Variants in GSK3B observed in about 807,000 individuals in gnomAD.
The protein encoded by GSK3B is glycogen synthase kinase 3 beta.
In GSK3B, 15 loss-of-function variants were observed where a neutral mutation model predicts 56.4. The observed-to-expected ratio is 0.27, with a 90% CI of 0.18 to 0.41. The LOEUF is 0.41. Among genes scored for constraint, GSK3B ranks in the 10% least tolerant of loss-of-function variants. The probability of loss-of-function intolerance (pLI) is 1.00; values close to 1 mark genes in which losing one functional copy is unlikely to be tolerated. For missense variants in GSK3B, 300 were observed against 513.4 expected, an observed-to-expected ratio of 0.58 and a Z score of 4.02; for synonymous variants, 181 against 188.9, an observed-to-expected ratio of 0.96 and a Z score of 0.34.
At chr3:120,038,980 G>GAGCTCTTAA (rs2058044587) in intron 1 of GSK3B, among the ~76,000 whole-genome samples, 1 of 151,834 alleles carries the variant, frequency 6.6e-6, no homozygotes, top group Admixed American at 6.6e-5. Flanking sequence ...AATATACAAA[G>GAGCTCTTAA]AACTCTTAAA....
At chr3:120,074,200 C>G (rs2058349974) in intron 1 of GSK3B, among the ~76,000 whole-genome samples, 1 of 151,518 alleles carries the variant, frequency 6.6e-6, no homozygotes, top group South Asian at 2.1e-4. Flanking sequence ...ACTCAGGAGG[C>G]TGAGGTGGGA....
intron 1 of GSK3B, among the ~76,000 whole-genome samples, chr3:120,065,412 C>G (rs2058270400): frequency 6.6e-6 from 1 of 151,990 alleles, no homozygotes; most frequent in Non-Finnish European, 1.5e-5. Flanking sequence ...TCAAAACCAC[C>G]ATGAAATACC....
At chr3:119,902,467 G>C (rs1334486944) in intron 7 of GSK3B, among the ~76,000 whole-genome samples, 1 of 152,086 alleles carries the variant, frequency 6.6e-6, no homozygotes, top group Non-Finnish European at 1.5e-5. Flanking sequence ...GTGGTACTTG[G>C]CTTACTGCAA....
intron 3 of GSK3B, among the ~76,000 whole-genome samples, chr3:119,932,984 G>A (rs1480452770): frequency 6.6e-6 from 1 of 152,136 alleles, no homozygotes; most frequent in East Asian, 1.9e-4. Flanking sequence ...TGTAATCTTA[G>A]CTACCCTGGA....
At position 120,055,434 on chromosome 3, in the gene GSK3B, G is replaced by A. The variant is rs146137723; in HGVS notation, c.88+37913C>T. Among the ~76,000 whole-genome samples the A allele has an allele frequency of 4.2e-3, 637 of 152,084 alleles. 1 individual carries two copies. The highest frequency in any genetic ancestry group is 5.8e-3 in the Non-Finnish European group (392 of 67,964). ...CAATATCACTTTTCATATTCAAAGC[G>A]ACAAAATATTCTTTTTTGGTTTATG... On this transcript the variant is annotated intron_variant, in intron 1 of 10. Transcript: ENST00000264235.
intron 3 of GSK3B, among the ~76,000 whole-genome samples, chr3:119,927,791 A>G (rs535905817): frequency 6.6e-6 from 1 of 152,276 alleles, no homozygotes. Flanking sequence ...AGGACTGAGT[A>G]TGGAATCCTG....
chr3:120,065,152 T>C (rs1483118431), intron 1 of GSK3B, among the ~76,000 whole-genome samples: 4 of 152,072 alleles, frequency 2.6e-5, no homozygotes, highest in Admixed American at 2.6e-4. Context: ...AAAACTTTTG[T>C]GCATCAAAGG....
At chr3:120,082,048 T>C (rs72971018) in intron 1 of GSK3B, among the ~76,000 whole-genome samples, 1,857 of 152,242 alleles carry the variant, frequency 0.012, 32 homozygotes, top group African/African-American at 0.042. Flanking sequence ...CAACACCTAA[T>C]TATCTTAACA....
chr3:119,873,120 C>T (rs2056268552), intron 8 of GSK3B, among the ~76,000 whole-genome samples: 1 of 152,054 alleles, frequency 6.6e-6, no homozygotes, highest in Non-Finnish European at 1.5e-5. Context: ...GCCACAAGTG[C>T]TTTATTAATG....
At chr3:119,936,243 T>C (rs539132894) in intron 3 of GSK3B, among the ~76,000 whole-genome samples, 97 of 150,746 alleles carry the variant, frequency 6.4e-4, no homozygotes, top group Middle Eastern at 3.5e-3. Context: ...CTAGAGACTC[T>C]AGCCAGAACG....
At chr3:119,913,121 T>C (rs565062596) in intron 5 of GSK3B, among the ~76,000 whole-genome samples, 1 of 151,996 alleles carries the variant, frequency 6.6e-6, no homozygotes, top group South Asian at 2.1e-4. Context: ...ACCTCTAAAA[T>C]ACAAAGAAGC....
At chr3:119,847,865 T>C (rs2055876344) in intron 9 of GSK3B, among the ~76,000 whole-genome samples, 1 of 152,230 alleles carries the variant, frequency 6.6e-6, no homozygotes, top group African/African-American at 2.4e-5. Context: ...AGAATGTGTG[T>C]CTGTATGTGT....
chr3:120,066,859 C>A (rs929694399), intron 1 of GSK3B, among the ~76,000 whole-genome samples: 2 of 152,150 alleles, frequency 1.3e-5, no homozygotes, highest in Admixed American at 1.3e-4. Context: ...ACAAAATAAG[C>A]AGTGGATCGT....
intron 10 of GSK3B, among the ~76,000 whole-genome samples, chr3:119,839,899 T>C (rs2055748066): frequency 6.6e-6 from 1 of 152,234 alleles, no homozygotes; most frequent in Non-Finnish European, 1.5e-5. Flanking sequence ...GGTATATTAC[T>C]GTGGTGATGT....
At chr3:120,047,008 T>C (rs905768688) in intron 1 of GSK3B, among the ~76,000 whole-genome samples, 1 of 152,176 alleles carries the variant, frequency 6.6e-6, no homozygotes, top group Admixed American at 6.5e-5. Flanking sequence ...GACAGGAACA[T>C]GAATCAGAAT....
At chr3:119,929,154 AG>A (rs916297612) in intron 3 of GSK3B, among the ~76,000 whole-genome samples, 7 of 152,204 alleles carry the variant, frequency 4.6e-5, no homozygotes, top group African/African-American at 1.7e-4. Context: ...AAAAATGCAG[AG>A]ATCAATATTC....
intron 2 of GSK3B, among the ~76,000 whole-genome samples, chr3:119,958,774 G>A (rs935279984): frequency 3.1e-4 from 25 of 80,302 alleles, no homozygotes; most frequent in Admixed American, 1.5e-3. Flanking sequence ...AATGAAAAGA[G>A]TGTTCACTTT....
chr3:120,083,593 T>C (rs2058440159), intron 1 of GSK3B, among the ~76,000 whole-genome samples: 1 of 152,192 alleles, frequency 6.6e-6, no homozygotes, highest in Admixed American at 6.5e-5. Flanking sequence ...TGAAACAGCT[T>C]AATAGCTCCT....
At chr3:119,840,514 G>A (rs769276910) in intron 10 of GSK3B, among the ~76,000 whole-genome samples, 11 of 152,096 alleles carry the variant, frequency 7.2e-5, no homozygotes, top group Non-Finnish European at 1.6e-4. Flanking sequence ...GTGAGCCACC[G>A]CGCCTGGCCG....
Sources: allele counts gnomAD v4.1 joint callset (sites outside exome capture counted in the v4.1 genomes callset), GRCh38; gene constraint gnomAD v4.1.1; transcripts MANE v1.5; gene names NCBI Gene and HGNC (gene_info 2026-07-23, HGNC 2026-07-21).